ANO10: variants seen among roughly 807,000 people sequenced by gnomAD.
ANO10 encodes anoctamin 10, also known as anoctamin-10.
ANO10 carries 77 observed loss-of-function variants against 74.7 expected under a neutral mutation model. That is an observed-to-expected ratio of 1.03 (90% CI 0.86 to 1.25). ANO10 has a LOEUF of 1.25. ANO10 is among the 50% of genes most tolerant of loss of function. The pLI is 0.00. For synonymous variants in ANO10, 279 were observed against 284.9 expected (o/e 0.98, Z 0.21); for missense variants, 721 against 778.1 (o/e 0.93, Z 0.87).
chr3:43,573,679 A>G (rs1354696954), intron 7 of ANO10, among the ~76,000 whole-genome samples: 2 of 152,206 alleles, frequency 1.3e-5, no homozygotes, highest in East Asian at 3.8e-4. Flanking sequence ...ATTTATAATA[A>G]TGGTAGAAAG....
intron 11 of ANO10, among the ~76,000 whole-genome samples, chr3:43,494,537 A>G (rs116503963): frequency 2.6e-3 from 403 of 152,344 alleles, no homozygotes; most frequent in African/African-American, 9.1e-3. Flanking sequence ...ATTTGCAGCT[A>G]TGAGTATGAA....
intron 1 of ANO10, among the ~76,000 whole-genome samples, chr3:43,684,909 C>T (rs549630952): frequency 4.3e-4 from 66 of 152,216 alleles, no homozygotes; most frequent in South Asian, 3.5e-3. Context: ...GGAAGGGGAA[C>T]ATCACACACC....
intron 1 of ANO10, among the ~76,000 whole-genome samples, chr3:43,636,113 T>C (rs1335525885): frequency 6.6e-6 from 1 of 152,022 alleles, no homozygotes; most frequent in African/African-American, 2.4e-5. Flanking sequence ...AAGTGCAAGC[T>C]GTTTATTTGA....
chr3:43,561,469 T>C, intron 8 of ANO10, 67 bp from the exon 9 acceptor site: 1 of 1,362,620 alleles, frequency 7.3e-7, no homozygotes, highest in Non-Finnish European at 1.0e-6. Flanking sequence ...TTTGTATAAA[T>C]TATATATAAA....
intron 12 of ANO10, among the ~76,000 whole-genome samples, chr3:43,380,929 A>G (rs2091942621): frequency 6.6e-6 from 1 of 152,336 alleles, no homozygotes; most frequent in East Asian, 1.9e-4. Context: ...GGTTTAATTA[A>G]CTCACATTTA....
In ANO10 at chr3:43,556,792, A is replaced by T. The variant is rs182574094; in HGVS notation, c.1477-1323T>A. Among the ~76,000 whole-genome samples the T allele has an allele frequency of 7.6e-4, 116 of 152,336 alleles. 2 individuals are homozygous for T. The East Asian group carries it at 0.019, about 25-fold the overall frequency. ...AACACACAATGGTGAGAAGATAAAA[A>T]AATCAGAAATAAGATAAAGATTCCT... On this transcript the variant is annotated intron_variant, in intron 9 of 12. Transcript: ENST00000292246.
chr3:43,671,506 A>C (rs1337119440), intron 1 of ANO10, among the ~76,000 whole-genome samples: 1 of 152,164 alleles, frequency 6.6e-6, no homozygotes, highest in Non-Finnish European at 1.5e-5. Context: ...CTGAAGGTTC[A>C]ATTATTTTGG....
At chr3:43,679,816 A>T (rs1169449520) in intron 1 of ANO10, among the ~76,000 whole-genome samples, 1 of 152,176 alleles carries the variant, frequency 6.6e-6, no homozygotes, top group African/African-American at 2.4e-5. Context: ...CACTGGTGAT[A>T]CCCAGGCAAA....
Position 43,457,407 on chromosome 3 carries a change from C to T in ANO10, c.1798-24680G>A, listed in dbSNP as rs181483114. Among the ~76,000 whole-genome samples, 13 of 152,252 alleles carry T rather than the reference C, an allele frequency of 8.5e-5. No individual in the cohort carries two copies. In the East Asian group the frequency reaches 2.5e-3, roughly 29 times the overall value. On this transcript the variant is annotated intron_variant, in intron 11 of 12. Transcript: ENST00000292246. ...GGCCTCAGGAAACTTACAATCGTGGCAGAAGGTGAAGAGGAAGCAAGCACC... is the reference window on the plus strand; with the variant it reads ...GGCCTCAGGAAACTTACAATCGTGGTAGAAGGTGAAGAGGAAGCAAGCACC...
At chr3:43,673,141 C>T (rs2084080025) in intron 1 of ANO10, among the ~76,000 whole-genome samples, 1 of 152,182 alleles carries the variant, frequency 6.6e-6, no homozygotes, top group Non-Finnish European at 1.5e-5. Flanking sequence ...GGTGAAAATT[C>T]TTCCCTCTAT....
chr3:43,601,812 T>C (rs1350726315), intron 2 of ANO10, among the ~76,000 whole-genome samples: 1 of 152,150 alleles, frequency 6.6e-6, no homozygotes, highest in Non-Finnish European at 1.5e-5. Flanking sequence ...ACTGCAAAGA[T>C]GGAAAGTTTG....
intron 1 of ANO10, among the ~76,000 whole-genome samples, chr3:43,611,305 T>C (rs1337444942): frequency 6.6e-6 from 1 of 152,188 alleles, no homozygotes; most frequent in African/African-American, 2.4e-5. Context: ...TTGAGCCACC[T>C]ACCAATCCAG....
intron 1 of ANO10, among the ~76,000 whole-genome samples, chr3:43,664,632 T>A (rs1205628474): frequency 6.6e-6 from 1 of 152,156 alleles, no homozygotes; most frequent in Non-Finnish European, 1.5e-5. Context: ...AATCTATCCA[T>A]CTGACAACGG....
chr3:43,628,944 C>T (rs564364391), intron 1 of ANO10, among the ~76,000 whole-genome samples: 4 of 152,330 alleles, frequency 2.6e-5, no homozygotes, highest in East Asian at 3.9e-4. Flanking sequence ...CCTGTGATCT[C>T]GCCCTGCCTC....
At chr3:43,691,247 GC>G (rs1394959913) in intron 1 of ANO10, 2 of 424,068 alleles carry the variant, frequency 4.7e-6, no homozygotes, top group African/African-American at 4.1e-5. Flanking sequence ...CAGCGTCGGG[GC>G]CCCGAGGTGT....
At chr3:43,411,891 C>A (rs552923067) in intron 12 of ANO10, among the ~76,000 whole-genome samples, 3 of 152,074 alleles carry the variant, frequency 2.0e-5, no homozygotes, top group South Asian at 2.1e-4. Flanking sequence ...AATTAACTCA[C>A]AAAGACTTAG....
At position 43,609,166 on chromosome 3, in the gene ANO10, T is replaced by C. The variant is rs115278757; in HGVS notation, c.-11-3303A>G. On this transcript the variant is annotated intron_variant, in intron 1 of 12. Transcript: ENST00000292246. Reference sequence around the variant, plus strand: ...TGAAGAAGTTACTTTGTTAAGCTCATAGTAAGCAAGAAGTTCGTTTCCCAT... The same window carrying C: ...TGAAGAAGTTACTTTGTTAAGCTCACAGTAAGCAAGAAGTTCGTTTCCCAT... Among the ~76,000 whole-genome samples, 1,377 of 152,314 alleles carry C rather than the reference T, an allele frequency of 9.0e-3. 23 individuals carry two copies. Among genetic ancestry groups the C allele is most frequent in the African/African-American group, 0.031 (1,279 of 41,564 alleles).
chr3:43,476,756 A>G (rs755672060), intron 11 of ANO10, among the ~76,000 whole-genome samples: 1 of 152,234 alleles, frequency 6.6e-6, no homozygotes, highest in Non-Finnish European at 1.5e-5. Flanking sequence ...ACTAATAAAC[A>G]TTAAAATAAT....
intron 11 of ANO10, among the ~76,000 whole-genome samples, chr3:43,480,166 T>A (rs2076212644): frequency 1.3e-5 from 2 of 151,848 alleles, no homozygotes; most frequent in Admixed American, 6.6e-5. Flanking sequence ...TGAGAAAATC[T>A]CAAAATAGAC....
Sources: allele counts gnomAD v4.1 joint callset (sites outside exome capture counted in the v4.1 genomes callset), GRCh38; gene constraint gnomAD v4.1.1; transcripts MANE v1.5; gene names NCBI Gene and HGNC (gene_info 2026-07-23, HGNC 2026-07-21).